Variants in C3 observed in about 807,000 individuals in gnomAD.
C3 encodes C3 and PZP-like alpha-2-macroglobulin domain-containing protein 1.
A neutral mutation model predicts 207.9 loss-of-function variants in C3; 97 were observed. That is an observed-to-expected ratio of 0.47 (90% CI 0.40 to 0.55). The LOEUF (loss-of-function observed/expected upper bound fraction) is 0.55. Ranked by LOEUF, C3 falls within the 20% of genes least tolerant of loss-of-function variation. The pLI, the probability that C3 is intolerant of heterozygous loss-of-function variation, is 0.00. For missense variants in C3, 1,684 were observed against 2,171.7 expected, an observed-to-expected ratio of 0.78 and a Z score of 4.46; for synonymous variants, 848 against 857.6, an observed-to-expected ratio of 0.99 and a Z score of 0.20.
At chr19:6,690,390 ACT>A (rs1918136553) in intron 27 of C3, among the ~76,000 whole-genome samples, 1 of 152,240 alleles carries the variant, frequency 6.6e-6, no homozygotes, top group Non-Finnish European at 1.5e-5. Flanking sequence ...AATAAGAGTG[ACT>A]TACCTTTCAG....
In C3 at chr19:6,707,156, T is replaced by C; in HGVS notation, c.2165A>G (p.Lys722Arg). 1 of 1,613,706 alleles carries C rather than the reference T, an allele frequency of 6.2e-7. No individual in the cohort carries two copies. The highest frequency in any genetic ancestry group is 8.5e-7 in the Non-Finnish European group (1 of 1,179,864). Residue 722 changes from lysine to arginine, a missense_variant, in exon 17 of 41, where the codon AAG becomes AGG. By Grantham distance (26) the Lys-to-Arg change is conservative. Around this residue, in one of 3 missense-constraint regions of C3, gnomAD observed 1,280 missense variants for 1,739.1 expected, o/e 0.74. Coordinates refer to ENST00000245907, the MANE Select transcript of C3 (RefSeq NM_000064.4). ...RFISLGEACK[K>R]VFLDCCNYIT... ...GTAGTTGCAGCAGTCCAGGAAGACC[T>C]TCTTGCACGCCTCGCCCAGGGAGAT...
rs768076065 is a variant in C3 at position 6,678,291 on chromosome 19, G to C, written c.4715-4C>G. The C allele has an allele frequency of 7.4e-6, 12 of 1,614,178 alleles. No homozygotes were observed. The highest frequency in any genetic ancestry group is 1.3e-5 in the African/African-American group (1 of 75,028). On this transcript the variant is annotated splice_region_variant and splice_polypyrimidine_tract_variant and intron_variant, in intron 39 of 40. Transcript: ENST00000245907. ...CCAACCTGCACCTCATCCGAGCCTGGAGTGGAGGGGAGAGGGAAGAAGCTG... is the reference window on the plus strand; with the variant it reads ...CCAACCTGCACCTCATCCGAGCCTGCAGTGGAGGGGAGAGGGAAGAAGCTG...
chr19:6,710,803 G>T lies in C3; in HGVS notation c.1522C>A (p.Arg508=). ...GRLLKAGRQV[R]EPGQDLVVLP... ...ACCACCAGGTCCTGGCCGGGCTCTC[G>T]CACCTGGCGTCCCGCCTTCAACAGC... Residue 508 remains arginine, a synonymous_variant, in exon 13 of 41, where the codon CGA becomes AGA. Transcript: ENST00000245907. 1.9e-6 allele frequency: 3 copies of T among 1,613,950 alleles called. No individual in the cohort carries two copies. The highest frequency in any genetic ancestry group is 2.5e-6 in the Non-Finnish European group (3 of 1,180,018).
Position 6,679,477 on chromosome 19 carries a change from G to A in C3, c.4476C>T (p.Phe1492=), listed in dbSNP as rs1917803258. The change falls in exon 37 of 41, where the codon TTC becomes TTT. Residue 1492 remains phenylalanine, a synonymous_variant. Transcript: ENST00000245907. ...YYNLEESCTR[F]YHPEKEDGKL... is the part of the protein sequence containing the mutation. ...TTCCATCCTCCTTTTCCGGATGGTA[G>A]AACCGGGTACAGCTTTCCTCTGCGG... 2 of 1,612,908 alleles carry A rather than the reference G, an allele frequency of 1.2e-6. No individual in the cohort carries two copies. Among genetic ancestry groups the A allele is most frequent in the Non-Finnish European group, 1.7e-6 (2 of 1,178,966 alleles).
intron 19 of C3, among the ~76,000 whole-genome samples, chr19:6,700,064 TATA>T (rs1967611188): frequency 6.8e-6 from 1 of 147,238 alleles, no homozygotes; most frequent in Non-Finnish European, 1.5e-5. Flanking sequence ...AAAATTAAAT[TATA>T]ATAAATTATG....
intron 19 of C3, among the ~76,000 whole-genome samples, chr19:6,698,900 T>C (rs1215088568): frequency 6.6e-6 from 1 of 152,128 alleles, no homozygotes; most frequent in African/African-American, 2.4e-5. Context: ...GTTCAAGCAA[T>C]TCTCCTGCCT....
intron 33 of C3, 85 bp downstream of exon 33, chr19:6,684,303 C>T: frequency 9.6e-7 from 1 of 1,039,618 alleles, no homozygotes; most frequent in Middle Eastern, 2.3e-4. Flanking sequence ...TTGGAAAGTA[C>T]TGAATATCAT....
At chr19:6,697,612 C>G (rs1465867013) in intron 20 of C3, 40 bp downstream of exon 20, 3 of 1,613,712 alleles carry the variant, frequency 1.9e-6, no homozygotes, top group Non-Finnish European at 2.5e-6. Flanking sequence ...TACCTACCCC[C>G]TGGCAGCCTC....
rs377764967 is a variant in C3, at chr19:6,696,675, G to A, written c.2797-16C>T. The A allele has an allele frequency of 2.2e-5, 35 of 1,611,388 alleles. No homozygotes were observed. Among genetic ancestry groups the A allele is most frequent in the Admixed American group, 5.0e-5 (3 of 59,962 alleles). ...TTCCTTCCGGCTACGCAGTGTTAGA[G>A]GTGGGGGGAGTCGTTGGATGAATAA... is the stretch of plus-strand genomic sequence containing the variant. On this transcript the variant is annotated splice_polypyrimidine_tract_variant and intron_variant, in intron 21 of 40. Transcript: ENST00000245907.
At chr19:6,714,498 G>A (rs1351045125) in intron 4 of C3, 52 bp from the exon 5 acceptor site, 1 of 1,274,612 alleles carries the variant, frequency 7.8e-7, no homozygotes. Context: ...TTCGGAGGCT[G>A]GGCTTAGCCT....
chr19:6,704,895 C>T (rs944044928), intron 17 of C3, among the ~76,000 whole-genome samples: 2 of 147,200 alleles, frequency 1.4e-5, no homozygotes, highest in Non-Finnish European at 3.0e-5. Flanking sequence ...AAGATTCCAT[C>T]TCAAAAAAAA....
rs371248769 is a variant in C3 at position 6,689,298 on chromosome 19, C to CCTCT, written c.3489+1327_3489+1330dup. Among the ~76,000 whole-genome samples, 391 of 112,432 alleles carry CCTCT rather than the reference C, an allele frequency of 3.5e-3. 1 individual carries two copies. Among genetic ancestry groups the CCTCT allele is most frequent in the Non-Finnish European group, 5.9e-3 (319 of 54,180 alleles). 73.8% of individuals were successfully genotyped at this position (112,432 alleles called of 152,430 possible). A position where few individuals can be genotyped will look rare whatever the true frequency, so the allele number is the denominator to read the frequency against. ...GTCAGATTTGTCTGACCCCACCTCTCCTCTCTCTCTCTCTCTCTCTCTCTA... is the reference window on the plus strand; with the variant it reads ...GTCAGATTTGTCTGACCCCACCTCTCCTCTCTCTCTCTCTCTCTCTCTCTCTCTA... On this transcript the variant is annotated intron_variant, in intron 27 of 40. Coordinates refer to ENST00000245907, the MANE Select transcript of C3 (RefSeq NM_000064.4).
intron 39 of C3, 25 bp downstream of exon 39, chr19:6,678,346 AC>A: frequency 6.2e-7 from 1 of 1,614,142 alleles, no homozygotes; most frequent in Non-Finnish European, 8.5e-7. Context: ...GGGAAGAGCC[AC>A]GGGAGGCAGC....
Position 6,712,311 on chromosome 19 carries a change from G to A in C3, c.1215C>T (p.Gly405=), listed in dbSNP as rs749682730. ...GTGTGTTGATGCTGAGTTTGGCCAC[G>A]CCATCTCCCTGGGTTAGAGACTGCA... is the stretch of plus-strand genomic sequence containing the variant. ...DTVQSLTQGD[G]VAKLSINTHP... The change falls in exon 11 of 41, where the codon GGC becomes GGT. Residue 405 remains glycine (G), a synonymous_variant. Transcript: ENST00000245907. The A allele has an allele frequency of 2.2e-5, 36 of 1,614,026 alleles. No homozygotes were observed. The highest frequency in any genetic ancestry group is 3.3e-4 in the Middle Eastern group (2 of 6,054).
At position 6,693,709 on chromosome 19, in the gene C3, G is replaced by T. The variant is rs117487480; in HGVS notation, c.3155-222C>A. On this transcript the variant is annotated intron_variant, in intron 24 of 40. Coordinates refer to ENST00000245907, the MANE Select transcript of C3 (RefSeq NM_000064.4). ...GGACAAGGGATTCAGAGAGGAGAAGGATATTGAGGGTGGGGGGCTTTCAGG... is the reference window on the plus strand; with the variant it reads ...GGACAAGGGATTCAGAGAGGAGAAGTATATTGAGGGTGGGGGGCTTTCAGG... 3.0e-3 allele frequency among the ~76,000 whole-genome samples: 428 copies of T among 143,266 alleles called. 7 individuals are homozygous for T. In the East Asian group the frequency reaches 0.04, roughly 13 times the overall value. 94.0% of individuals were successfully genotyped at this position (143,266 alleles called of 152,430 possible).
In C3 at chr19:6,695,002, G is replaced by A. The variant is rs1298679361; in HGVS notation, c.2951-368C>T. On this transcript the variant is annotated intron_variant, in intron 23 of 40. Transcript: ENST00000245907. Reference sequence around the variant, plus strand: ...AATAGTCAACGAGGCTGGGCGCCGTGGCTGAAGCCTGTAATCTCAGCACTT... The same window carrying A: ...AATAGTCAACGAGGCTGGGCGCCGTAGCTGAAGCCTGTAATCTCAGCACTT... 2.6e-5 allele frequency among the ~76,000 whole-genome samples: 4 copies of A among 152,288 alleles called. No individual in the cohort carries two copies. The Middle Eastern group carries it at 0.01, about 388-fold the overall frequency.
At chr19:6,709,882 G>A in intron 13 of C3, 40 bp from the exon 14 acceptor site, 2 of 1,610,102 alleles carry the variant, frequency 1.2e-6, no homozygotes, top group Non-Finnish European at 8.5e-7. Flanking sequence ...GTCAGCCCTG[G>A]GAGAGAGGAG....
rs1293161211 is a variant in C3 at position 6,714,085 on chromosome 19, G to T, written c.683-3C>A. 3 of 1,611,842 alleles carry T rather than the reference G, an allele frequency of 1.9e-6. No individual in the cohort carries two copies. Among genetic ancestry groups the T allele is most frequent in the Non-Finnish European group, 2.5e-6 (3 of 1,178,944 alleles). On this transcript the variant is annotated splice_polypyrimidine_tract_variant and splice_region_variant and intron_variant, in intron 6 of 40. Coordinates refer to ENST00000245907, the MANE Select transcript of C3 (RefSeq NM_000064.4). The stretch of plus-strand genomic sequence containing the variant: ...TATGACCTCGAAACTGGGCAGCACT[G>T]GGGGAGAGATGGCGTTGGTGGGGCC...
At chr19:6,700,383 AATAT>A (rs1191594444) in intron 19 of C3, among the ~76,000 whole-genome samples, 1 of 52,834 alleles carries the variant, frequency 1.9e-5, no homozygotes, top group Non-Finnish European at 2.8e-5. Context: ...TTATATATGT[AATAT>A]ATGATATATA....
Sources: allele counts gnomAD v4.1 joint callset (sites outside exome capture counted in the v4.1 genomes callset), GRCh38; gene constraint gnomAD v4.1.1; regional missense constraint gnomAD v4.1.1; transcripts MANE v1.5; gene names NCBI Gene and HGNC (gene_info 2026-07-23, HGNC 2026-07-21).